STOX2: variants seen among roughly 807,000 people sequenced by gnomAD.
STOX2 encodes the protein storkhead box 2, also known as storkhead-box protein 2.
Under a neutral mutation model 60.9 loss-of-function variants are expected in STOX2, and 28 were observed. The observed-to-expected ratio is 0.46, with a 90% confidence interval of 0.34 to 0.63. The LOEUF (loss-of-function observed/expected upper bound fraction) is 0.63, where lower values mean the gene tolerates loss of function less well. Among genes scored for constraint, STOX2 ranks in the 30% least tolerant of loss-of-function variants. The probability of loss-of-function intolerance (pLI) is 0.01; values close to 1 mark genes in which losing one functional copy is unlikely to be tolerated. For missense variants in STOX2, 1,024 were observed against 1,187.7 expected, an observed-to-expected ratio of 0.86 and a Z score of 2.03; for synonymous variants, 472 against 463.9, an observed-to-expected ratio of 1.02 and a Z score of -0.22.
chr4:183,817,711 C>T (rs1053300154), intron 1 of STOX2, among the ~76,000 whole-genome samples: 7 of 152,298 alleles, frequency 4.6e-5, no homozygotes, highest in South Asian at 2.1e-4. Context: ...AGGTCACCTA[C>T]TCTTGACATG....
chr4:183,977,638 G>C (rs10000613), intron 1 of STOX2, among the ~76,000 whole-genome samples: 85,878 of 151,458 alleles, frequency 0.57, 24,423 homozygotes, highest in African/African-American at 0.63. Context: ...GTGAGTAGTG[G>C]TGCAATAAAC....
chr4:183,929,735 A>T (rs976239679), intron 1 of STOX2, among the ~76,000 whole-genome samples: 12 of 152,232 alleles, frequency 7.9e-5, no homozygotes, highest in African/African-American at 2.7e-4. Flanking sequence ...GGGCCACAGC[A>T]TCGACAAGCT....
At chr4:183,934,282 AAC>A (rs764698466) in intron 1 of STOX2, among the ~76,000 whole-genome samples, 17 of 152,118 alleles carry the variant, frequency 1.1e-4, no homozygotes, top group Non-Finnish European at 2.1e-4. Context: ...CTGCTTGGGT[AAC>A]AGAGTGAGAC....
intron 3 of STOX2, chr4:184,016,034 G>A (rs1734358525): frequency 6.6e-6 from 1 of 152,310 alleles, no homozygotes; most frequent in Non-Finnish European, 1.5e-5. Flanking sequence ...AAAAGAGAGA[G>A]CAAAATAATA....
intron 3 of STOX2, among the ~76,000 whole-genome samples, chr4:184,013,789 C>T (rs1451096814): frequency 6.6e-6 from 1 of 152,078 alleles, no homozygotes; most frequent in Non-Finnish European, 1.5e-5. Context: ...ACATGGGAAT[C>T]GTTTTAAATT....
chr4:183,910,398 C>G (rs1229314696), intron 1 of STOX2, among the ~76,000 whole-genome samples: 1 of 152,038 alleles, frequency 6.6e-6, no homozygotes. Flanking sequence ...TTTTCAAGGC[C>G]CCAAACCTTT....
chr4:184,017,376 C>G lies in STOX2; in HGVS notation c.*92C>G. 7.8e-7 allele frequency: 1 copy of G among 1,279,676 alleles called. No individual in the cohort carries two copies. The highest frequency in any genetic ancestry group is 1.1e-6 in the Non-Finnish European group (1 of 944,440). The allele number at this position is 1,279,676 out of a possible 1,614,324, so 79.3% of individuals were successfully genotyped here. On this transcript the variant is annotated 3_prime_UTR_variant, in exon 4 of 4. Coordinates refer to ENST00000308497, the MANE Select transcript of STOX2 (RefSeq NM_020225.3). Reference sequence around the variant, plus strand: ...TTTACATCTTTGGAAAGACAAGCATCTCAACCACAGTTTTTGTGTTTACTT... The same window carrying G: ...TTTACATCTTTGGAAAGACAAGCATGTCAACCACAGTTTTTGTGTTTACTT...
At chr4:183,850,843 A>AGAAAGGATGAGG (rs1264530095) in intron 1 of STOX2, among the ~76,000 whole-genome samples, 6 of 140,468 alleles carry the variant, frequency 4.3e-5, no homozygotes, top group African/African-American at 1.1e-4. Flanking sequence ...AAAGGATGAG[A>AGAAAGGATGAGG]GAAAGGATGA....
At position 184,011,642 on chromosome 4, in the gene STOX2, T is replaced by C; in HGVS notation, c.2585+219T>C. 7 of 1,505,382 alleles carry C rather than the reference T, an allele frequency of 4.6e-6. No homozygotes were observed. The highest frequency in any genetic ancestry group is 6.2e-6 in the Non-Finnish European group (7 of 1,131,038). 93.3% of individuals were successfully genotyped at this position (1,505,382 alleles called of 1,614,324 possible). A position where few individuals can be genotyped will look rare whatever the true frequency, so the allele number is the denominator to read the frequency against. Reference sequence around the variant, plus strand: ...AGATCACCAATCTGGACTGGTGGGTTGGCTCCTCCCCTCAAACTTGCATCA... The same window carrying C: ...AGATCACCAATCTGGACTGGTGGGTCGGCTCCTCCCCTCAAACTTGCATCA... On this transcript the variant is annotated intron_variant, in intron 3 of 3. Transcript: ENST00000308497. The surrounding 1 kb of genome is among the most constrained non-coding windows in gnomAD (Gnocchi z 4.4).
In STOX2 at chr4:184,011,568, T is replaced by C. The variant is rs1415077505; in HGVS notation, c.2585+145T>C. 1.9e-6 allele frequency: 3 copies of C among 1,547,154 alleles called. No homozygotes were observed. Among genetic ancestry groups the C allele is most frequent in the Non-Finnish European group, 2.6e-6 (3 of 1,149,518 alleles). ...TATGAGTTGTATTGTTAACAATCTGTTTCTGACTTCTTTTTCAGGAATTGA... is the reference window on the plus strand; with the variant it reads ...TATGAGTTGTATTGTTAACAATCTGCTTCTGACTTCTTTTTCAGGAATTGA... On this transcript the variant is annotated intron_variant, in intron 3 of 3. Coordinates refer to ENST00000308497, the MANE Select transcript of STOX2 (RefSeq NM_020225.3). This position sits in a 1 kb window ranked among gnomAD's most constrained non-coding sequence, Gnocchi z 4.4.
intron 1 of STOX2, among the ~76,000 whole-genome samples, chr4:183,805,281 T>G (rs578109581): frequency 2.0e-5 from 3 of 152,362 alleles, no homozygotes. Context: ...TTTATATATT[T>G]GTTAAATAAG....
intron 1 of STOX2, among the ~76,000 whole-genome samples, chr4:183,849,110 G>A (rs910184352): frequency 3.3e-5 from 5 of 152,152 alleles, no homozygotes; most frequent in Admixed American, 2.6e-4. Flanking sequence ...ACAATTTAGG[G>A]CCAAGTGGGG....
In STOX2 at chr4:184,001,252, G is replaced by A. The variant is rs1015127048; in HGVS notation, c.167-73G>A. The A allele has an allele frequency of 1.1e-5, 16 of 1,468,838 alleles. No individual in the cohort carries two copies. The highest frequency in any genetic ancestry group is 6.8e-5 in the East Asian group (3 of 43,966). The allele number at this position is 1,468,838 out of a possible 1,614,324, so 91.0% of individuals were successfully genotyped here. A position where few individuals can be genotyped will look rare whatever the true frequency, so the allele number is the denominator to read the frequency against. On this transcript the variant is annotated intron_variant, in intron 1 of 3. Coordinates refer to ENST00000308497, the MANE Select transcript of STOX2 (RefSeq NM_020225.3). The surrounding 1 kb of genome is among the most constrained non-coding windows in gnomAD (Gnocchi z 4.2). ...TTCGTCAGACCAGGGCCAGATGGAC[G>A]CGTGAAGGCGTGTGTCTGACAGATG...
Position 184,019,977 on chromosome 4 carries a change from T to A in STOX2, c.*2693T>A, listed in dbSNP as rs1218542128. On this transcript the variant is annotated 3_prime_UTR_variant, in exon 4 of 4. Transcript: ENST00000308497. Reference sequence around the variant, plus strand: ...TCTTAGGGTTTAGCAGCTGAAAGGTTTACAAAACTGAATCTGGTTGAATCT... The same window carrying A: ...TCTTAGGGTTTAGCAGCTGAAAGGTATACAAAACTGAATCTGGTTGAATCT... 1 of 152,184 alleles carries A rather than the reference T, an allele frequency of 6.6e-6. No homozygotes were observed. Among genetic ancestry groups the A allele is most frequent in the Non-Finnish European group, 1.5e-5 (1 of 68,040 alleles). 9.4% of individuals were successfully genotyped at this position (152,184 alleles called of 1,614,324 possible).
At chr4:183,843,107 C>G (rs1293453106) in intron 1 of STOX2, among the ~76,000 whole-genome samples, 1 of 144,044 alleles carries the variant, frequency 6.9e-6, no homozygotes, top group Non-Finnish European at 1.5e-5. Context: ...AAGATCGCGC[C>G]ACCGTACTCC....
intron 1 of STOX2, among the ~76,000 whole-genome samples, chr4:183,920,355 G>A (rs1223652310): frequency 2.0e-5 from 3 of 152,068 alleles, no homozygotes; most frequent in African/African-American, 4.8e-5. Flanking sequence ...TGATCTGCCC[G>A]CCTTGGCCTC....
chr4:183,869,926 A>T (rs1444190589), intron 1 of STOX2, among the ~76,000 whole-genome samples: 1 of 152,128 alleles, frequency 6.6e-6, no homozygotes, highest in Admixed American at 6.6e-5. Context: ...GGACCAAGGA[A>T]TGGGCGGGAC....
At chr4:183,886,641 T>G (rs1360693855) in intron 1 of STOX2, among the ~76,000 whole-genome samples, 1 of 152,224 alleles carries the variant, frequency 6.6e-6, no homozygotes, top group Non-Finnish European at 1.5e-5. Context: ...CAAGTAGTCC[T>G]GGAGTAAGAT....
At chr4:183,907,056 A>T in intron 1 of STOX2, 100 bp downstream of exon 1, 1 of 1,038,076 alleles carries the variant, frequency 9.6e-7, no homozygotes, top group Non-Finnish European at 1.4e-6. Context: ...GCAGTGATGG[A>T]TGCGATAAGT....
Sources: allele counts gnomAD v4.1 joint callset (sites outside exome capture counted in the v4.1 genomes callset), GRCh38; gene constraint gnomAD v4.1.1; non-coding constraint Gnocchi (gnomAD v3.1); transcripts MANE v1.5; gene names NCBI Gene and HGNC (gene_info 2026-07-23, HGNC 2026-07-21).